The following OMA1 variants were observed in gnomAD, a reference collection of about 807,000 sequenced individuals.
OMA1 encodes metalloendopeptidase OMA1, mitochondrial.
In OMA1, 38 loss-of-function variants were observed where a neutral mutation model predicts 30.9. The ratio of observed to expected loss-of-function variants is 1.23; its 90% CI spans 0.95 to 1.61. OMA1 has a LOEUF of 1.61. Ranked by LOEUF, OMA1 falls within the 40% of genes most tolerant of loss-of-function variation. The pLI is 0.00. For missense variants in OMA1, 461 were observed against 349.2 expected, an observed-to-expected ratio of 1.32 and a Z score of -2.55; for synonymous variants, 173 against 121.9, an observed-to-expected ratio of 1.42 and a Z score of -2.76.
intron 3 of OMA1, 37 bp downstream of exon 3, chr1:58,536,476 T>A: frequency 2.4e-6 from 2 of 816,868 alleles, no homozygotes; most frequent in Non-Finnish European, 4.4e-6. Flanking sequence ...GAGTGTTATA[T>A]TAAGCAGTCT....
In OMA1 at chr1:58,539,116, C is replaced by T; in HGVS notation, c.179G>A (p.Arg60Lys). The T allele has an allele frequency of 1.1e-6, 1 of 872,954 alleles. No homozygotes were observed. Among genetic ancestry groups the T allele is most frequent in the East Asian group, 2.4e-5 (1 of 41,702 alleles). 54.1% of individuals were successfully genotyped at this position (872,954 alleles called of 1,614,324 possible). Reference sequence around the variant, plus strand: ...AAAGTTTCCAGGCAGAAAACTCCACCTGTCACACTGATTTACTCCCAGTCC... The same window carrying T: ...AAAGTTTCCAGGCAGAAAACTCCACTTGTCACACTGATTTACTCCCAGTCC... ...YQGLGVNQCD[R>K]WSFLPGNFHF... Residue 60 changes from arginine to lysine, a missense_variant, in exon 2 of 9, where the codon AGG becomes AAG. By Grantham distance (26) the Arg-to-Lys change is conservative. Coordinates refer to ENST00000371226, the MANE Select transcript of OMA1 (RefSeq NM_145243.5).
intron 5 of OMA1, among the ~76,000 whole-genome samples, chr1:58,533,386 G>C (rs1177851198): frequency 1.3e-5 from 2 of 152,092 alleles, no homozygotes; most frequent in Non-Finnish European, 2.9e-5. Flanking sequence ...ATATAAAATA[G>C]TAATAATAAA....
intron 7 of OMA1, among the ~76,000 whole-genome samples, chr1:58,510,421 A>T (rs1646055341): frequency 6.6e-6 from 1 of 152,136 alleles, no homozygotes; most frequent in Non-Finnish European, 1.5e-5. Context: ...ACAAAATTAA[A>T]CATCCTTTCA....
At chr1:58,527,973 C>A (rs1030348903) in intron 6 of OMA1, among the ~76,000 whole-genome samples, 3 of 152,160 alleles carry the variant, frequency 2.0e-5, no homozygotes, top group Admixed American at 6.5e-5. Flanking sequence ...TCAGTAAGTA[C>A]TAAAACTTTG....
Position 58,519,270 on chromosome 1 carries a change from A to G in OMA1, c.1215+7991T>C, listed in dbSNP as rs149183702. 1.3e-4 allele frequency among the ~76,000 whole-genome samples: 20 copies of G among 152,264 alleles called. No homozygotes were observed. The East Asian group carries it at 1.4e-3, about 10-fold the overall frequency. ...TTTTTGTGGGCACTTGGTAGGTTAT[A>G]TATTTAGGGGTTACATGAGATATTT... On this transcript the variant is annotated intron_variant, in intron 7 of 8. Transcript: ENST00000371226.
At chr1:58,504,668 A>C (rs1356227440) in intron 8 of OMA1, among the ~76,000 whole-genome samples, 4 of 152,202 alleles carry the variant, frequency 2.6e-5, no homozygotes, top group Non-Finnish European at 5.9e-5. Flanking sequence ...TTAATCAATA[A>C]GTATCAATAA....
At chr1:58,522,943 C>CG (rs2100456174) in intron 7 of OMA1, among the ~76,000 whole-genome samples, 1 of 152,132 alleles carries the variant, frequency 6.6e-6, no homozygotes, top group African/African-American at 2.4e-5. Context: ...AGAGGTAGAA[C>CG]GGGAGACAGG....
chr1:58,523,692 G>A (rs1001622419), intron 7 of OMA1, among the ~76,000 whole-genome samples: 1 of 152,166 alleles, frequency 6.6e-6, no homozygotes, highest in Non-Finnish European at 1.5e-5. Flanking sequence ...GAGGTCAGGA[G>A]ATCGAGACCA....
At chr1:58,529,401 A>G (rs1245680520) in intron 6 of OMA1, among the ~76,000 whole-genome samples, 1 of 152,266 alleles carries the variant, frequency 6.6e-6, no homozygotes, top group Non-Finnish European at 1.5e-5. Flanking sequence ...CAAAGTAGTT[A>G]TAAAGATTGC....
chr1:58,530,123 C>T (rs1294571808), intron 6 of OMA1, among the ~76,000 whole-genome samples: 1 of 152,166 alleles, frequency 6.6e-6, no homozygotes, highest in East Asian at 1.9e-4. Context: ...CTTCGTGATC[C>T]ACCCACCTTG....
intron 8 of OMA1, among the ~76,000 whole-genome samples, chr1:58,490,160 T>C (rs193087002): frequency 2.0e-4 from 30 of 152,218 alleles, no homozygotes; most frequent in Admixed American, 1.7e-3. Flanking sequence ...AAGGAGGAAG[T>C]TCGAACCCAT....
At chr1:58,501,078 G>A (rs530296762) in intron 8 of OMA1, among the ~76,000 whole-genome samples, 3 of 152,242 alleles carry the variant, frequency 2.0e-5, no homozygotes, top group Admixed American at 1.3e-4. Flanking sequence ...TGTGGAATAT[G>A]TGTTTAACTG....
chr1:58,524,758 G>A (rs1646323862), intron 7 of OMA1, among the ~76,000 whole-genome samples: 1 of 152,120 alleles, frequency 6.6e-6, no homozygotes, highest in Non-Finnish European at 1.5e-5. Context: ...AACATTTCCA[G>A]TATCACTAGC....
Position 58,519,150 on chromosome 1 carries a change from G to T in OMA1, c.1215+8111C>A, listed in dbSNP as rs145367752. ...GTTGAGGTATAAGGGTCATAACAGA[G>T]AATTTTTAAAAGTCTCCACAATGAA... is the stretch of plus-strand genomic sequence containing the variant. On this transcript the variant is annotated intron_variant, in intron 7 of 8. Transcript: ENST00000371226. Among the ~76,000 whole-genome samples the T allele has an allele frequency of 6.6e-5, 10 of 152,292 alleles. No homozygotes were observed. The East Asian group carries it at 1.9e-3, about 29-fold the overall frequency.
At chr1:58,539,383 A>C (rs1400587969) in intron 1 of OMA1, 73 bp from the exon 2 acceptor site, 5 of 678,136 alleles carry the variant, frequency 7.4e-6, no homozygotes, top group Non-Finnish European at 1.2e-5. Context: ...AACACTTATT[A>C]AATAGGCGTG....
chr1:58,521,997 T>C (rs1174915103), intron 7 of OMA1, among the ~76,000 whole-genome samples: 1 of 152,144 alleles, frequency 6.6e-6, no homozygotes, highest in Non-Finnish European at 1.5e-5. Flanking sequence ...GAACATAGGA[T>C]AAACATTCTA....
rs899354865 is a variant in OMA1, at chr1:58,499,523, T to G, written c.1365+6537A>C. On this transcript the variant is annotated intron_variant, in intron 8 of 8. Transcript: ENST00000371226. ...ATAGATAGATAAATAGATAGATAGA[T>G]AGATATTAAAAAGTATAAACTTTCA... is the stretch of plus-strand genomic sequence containing the variant. Among the ~76,000 whole-genome samples the G allele has an allele frequency of 2.6e-5, 4 of 152,018 alleles. No homozygotes were observed. The East Asian group carries it at 7.7e-4, about 29-fold the overall frequency.
intron 8 of OMA1, among the ~76,000 whole-genome samples, chr1:58,487,804 T>C (rs1345129161): frequency 6.6e-6 from 1 of 152,152 alleles, no homozygotes; most frequent in Non-Finnish European, 1.5e-5. Context: ...AACACACATA[T>C]ACTTTAATTA....
intron 8 of OMA1, among the ~76,000 whole-genome samples, chr1:58,484,765 T>C (rs1645545902): frequency 6.6e-6 from 1 of 152,120 alleles, no homozygotes; most frequent in African/African-American, 2.4e-5. Context: ...CATGAAAAGA[T>C]ATGAGGAACC....
Sources: gnomAD v4.1 joint callset for allele counts (sites outside exome capture counted in the v4.1 genomes callset) on GRCh38, gnomAD v4.1.1 for gene constraint, MANE v1.5 for transcripts, NCBI Gene and HGNC (gene_info 2026-07-23, HGNC 2026-07-21) for gene names.